The following ATXN1 variants were observed in gnomAD, a reference collection of about 807,000 sequenced individuals.
ATXN1 encodes the protein ataxin 1.
A neutral mutation model predicts 56.4 loss-of-function variants in ATXN1; 8 were observed. That is an observed-to-expected ratio of 0.14 (90% CI 0.08 to 0.26). The LOEUF (loss-of-function observed/expected upper bound fraction) is 0.26. Among genes scored for constraint, ATXN1 ranks in the 10% least tolerant of loss-of-function variants. ATXN1 has a pLI of 1.00. For synonymous variants in ATXN1, 514 were observed against 494.6 expected (o/e 1.04, Z -0.52); for missense variants, 987 against 1,106.5 (o/e 0.89, Z 1.53).
chr6:16,551,301 G>A (rs1761916331), intron 4 of ATXN1, among the ~76,000 whole-genome samples: 2 of 152,140 alleles, frequency 1.3e-5, no homozygotes, highest in South Asian at 4.1e-4. Flanking sequence ...TGTGATTGGT[G>A]AAAACAGAGA....
chr6:16,645,815 T>C (rs1193923908), intron 3 of ATXN1, among the ~76,000 whole-genome samples: 1 of 152,216 alleles, frequency 6.6e-6, no homozygotes, highest in Non-Finnish European at 1.5e-5. Context: ...AAAACATGTT[T>C]CCAGAGTTTT....
intron 2 of ATXN1, among the ~76,000 whole-genome samples, chr6:16,723,018 C>T (rs59225235): frequency 0.043 from 6,619 of 152,236 alleles, 493 homozygotes; most frequent in African/African-American, 0.15. Context: ...TGTGATCATG[C>T]GTAAAGTTCT....
intron 4 of ATXN1, among the ~76,000 whole-genome samples, chr6:16,528,681 C>A (rs1322209528): frequency 6.6e-6 from 1 of 152,066 alleles, no homozygotes; most frequent in Non-Finnish European, 1.5e-5. Flanking sequence ...TTAATCCTGA[C>A]AAAATCTCTG....
At chr6:16,675,808 G>C (rs1195157124) in intron 2 of ATXN1, among the ~76,000 whole-genome samples, 1 of 152,134 alleles carries the variant, frequency 6.6e-6, no homozygotes, top group African/African-American at 2.4e-5. Flanking sequence ...AGAATCACTT[G>C]AACCTGGGAG....
intron 3 of ATXN1, among the ~76,000 whole-genome samples, chr6:16,607,313 C>T (rs1026781592): frequency 2.6e-5 from 4 of 152,224 alleles, no homozygotes; most frequent in Non-Finnish European, 4.4e-5. Flanking sequence ...AAGGTCCATT[C>T]TAGCTCCCAA....
intron 6 of ATXN1, among the ~76,000 whole-genome samples, chr6:16,433,815 G>A (rs1017663614): frequency 3.3e-5 from 5 of 152,168 alleles, no homozygotes; most frequent in East Asian, 3.8e-4. Flanking sequence ...CAGCAGCTCC[G>A]CCCAGGAGTT....
chr6:16,321,229 A>T (rs540852058), intron 7 of ATXN1, among the ~76,000 whole-genome samples: 1 of 151,986 alleles, frequency 6.6e-6, no homozygotes, highest in Non-Finnish European at 1.5e-5. Flanking sequence ...ATTGGCTCCC[A>T]CGTTGATGCT....
chr6:16,509,029 C>G (rs971339571), intron 5 of ATXN1, among the ~76,000 whole-genome samples: 1 of 152,004 alleles, frequency 6.6e-6, no homozygotes, highest in Admixed American at 6.6e-5. Context: ...CTGTGTGATT[C>G]TACTCATAGG....
At chr6:16,447,259 C>G (rs975902707) in intron 6 of ATXN1, among the ~76,000 whole-genome samples, 2 of 152,158 alleles carry the variant, frequency 1.3e-5, no homozygotes, top group African/African-American at 2.4e-5. Flanking sequence ...GGGTCTCGTT[C>G]TGTCACCCAC....
At chr6:16,665,728 T>C (rs887465681) in intron 2 of ATXN1, among the ~76,000 whole-genome samples, 23 of 152,148 alleles carry the variant, frequency 1.5e-4, no homozygotes, top group African/African-American at 5.5e-4. Flanking sequence ...CATTAACCCA[T>C]GTGGTCAAGA....
intron 6 of ATXN1, among the ~76,000 whole-genome samples, chr6:16,415,674 C>T (rs1758888547): frequency 6.6e-6 from 1 of 152,228 alleles, no homozygotes; most frequent in African/African-American, 2.4e-5. Flanking sequence ...CTAGTCCAGC[C>T]TTGGGAAAGA....
At chr6:16,640,965 G>A (rs1763697124) in intron 3 of ATXN1, among the ~76,000 whole-genome samples, 1 of 152,226 alleles carries the variant, frequency 6.6e-6, no homozygotes, top group African/African-American at 2.4e-5. Flanking sequence ...GTAAGAAAGT[G>A]AAACAGCCTT....
chr6:16,480,995 G>T (rs967630913), intron 6 of ATXN1, among the ~76,000 whole-genome samples: 1 of 152,138 alleles, frequency 6.6e-6, no homozygotes, highest in African/African-American at 2.4e-5. Context: ...TAACACACCA[G>T]GGGCAATGGC....
intron 4 of ATXN1, among the ~76,000 whole-genome samples, chr6:16,562,321 C>T (rs1389702417): frequency 2.8e-5 from 4 of 144,660 alleles, no homozygotes; most frequent in Non-Finnish European, 6.0e-5. Flanking sequence ...TGCAGTGAGC[C>T]AAGATCACCC....
chr6:16,734,769 C>T (rs560479945), intron 2 of ATXN1, among the ~76,000 whole-genome samples: 6 of 152,294 alleles, frequency 3.9e-5, no homozygotes, highest in Admixed American at 1.3e-4. Flanking sequence ...GCTGGGATTA[C>T]AGACGTGAGC....
At chr6:16,644,586 GTA>G (rs909007783) in intron 3 of ATXN1, among the ~76,000 whole-genome samples, 15 of 148,254 alleles carry the variant, frequency 1.0e-4, no homozygotes, top group Non-Finnish European at 1.6e-4. Context: ...GTGTGTGTGT[GTA>G]TACACACACA....
chr6:16,452,831 A>C (rs1023550628), intron 6 of ATXN1, among the ~76,000 whole-genome samples: 1 of 152,222 alleles, frequency 6.6e-6, no homozygotes, highest in Non-Finnish European at 1.5e-5. Flanking sequence ...CAGACAATTA[A>C]TTCACATTAA....
chr6:16,750,663 T>C, intron 2 of ATXN1, among the ~76,000 whole-genome samples: 1 of 152,224 alleles, frequency 6.6e-6, no homozygotes, highest in East Asian at 1.9e-4. Context: ...TAAACTTGCC[T>C]AACATATTAT....
intron 2 of ATXN1, among the ~76,000 whole-genome samples, chr6:16,722,720 C>T (rs570273930): frequency 2.0e-5 from 3 of 152,328 alleles, no homozygotes; most frequent in African/African-American, 7.2e-5. Flanking sequence ...TCTCTATTGG[C>T]TTTACAAAAC....
Sources: allele counts gnomAD v4.1 joint callset (sites outside exome capture counted in the v4.1 genomes callset), GRCh38; gene constraint gnomAD v4.1.1; transcripts MANE v1.5; gene names NCBI Gene and HGNC (gene_info 2026-07-23, HGNC 2026-07-21).